Variants in DCC observed in about 807,000 individuals in gnomAD.
The protein encoded by DCC is DCC netrin 1 receptor, also known as netrin receptor DCC.
In DCC, 58 loss-of-function variants were observed where a neutral mutation model predicts 172.5. The observed-to-expected ratio is 0.34, with a 90% CI of 0.27 to 0.42. DCC has a LOEUF of 0.42. Among genes scored for constraint, DCC ranks in the 10% least tolerant of loss-of-function variants. The probability of loss-of-function intolerance (pLI) is 1.00; values close to 1 mark genes in which losing one functional copy is unlikely to be tolerated. For missense variants in DCC, 1,740 were observed against 1,791.0 expected, an observed-to-expected ratio of 0.97 and a Z score of 0.51; for synonymous variants, 709 against 644.5, an observed-to-expected ratio of 1.10 and a Z score of -1.52.
At chr18:52,723,902 T>C (rs1485835052) in intron 1 of DCC, among the ~76,000 whole-genome samples, 1 of 152,138 alleles carries the variant, frequency 6.6e-6, no homozygotes, top group Non-Finnish European at 1.5e-5. Flanking sequence ...ACATGATTCA[T>C]ACCTAACCCC....
chr18:52,448,108 G>A lies in DCC; in HGVS notation c.91+107230G>A, dbSNP rs1988182631. 2.0e-5 allele frequency among the ~76,000 whole-genome samples: 3 copies of A among 152,294 alleles called. No individual in the cohort carries two copies. The South Asian group carries it at 6.2e-4, about 32-fold the overall frequency. ...GCCGCACAGCAGGAGGGGAGTGGTA[G>A]GTGAGCATTTCTGCTTGAGCTCCAC... On this transcript the variant is annotated intron_variant, in intron 1 of 28. Transcript: ENST00000442544.
At chr18:52,794,229 T>C (rs2037828978) in intron 2 of DCC, among the ~76,000 whole-genome samples, 1 of 152,144 alleles carries the variant, frequency 6.6e-6, no homozygotes, top group African/African-American at 2.4e-5. Context: ...CTCTTGAATC[T>C]GTAGTACTAT....
At chr18:52,911,481 T>G (rs994855111) in intron 3 of DCC, among the ~76,000 whole-genome samples, 2 of 152,126 alleles carry the variant, frequency 1.3e-5, no homozygotes, top group Non-Finnish European at 2.9e-5. Context: ...AATTACCAGG[T>G]GGTGAAACCA....
chr18:53,267,119 C>CAT (rs1568401868), intron 12 of DCC, among the ~76,000 whole-genome samples: 1 of 148,924 alleles, frequency 6.7e-6, no homozygotes. Flanking sequence ...CTCACACACA[C>CAT]ACACACACAC....
chr18:53,265,947 T>G (rs1456960913), intron 12 of DCC, among the ~76,000 whole-genome samples: 2 of 152,180 alleles, frequency 1.3e-5, no homozygotes, highest in East Asian at 1.9e-4. Context: ...CCCCAGCTTT[T>G]CAATCCTTGT....
At chr18:52,730,510 A>G (rs1300722060) in intron 1 of DCC, among the ~76,000 whole-genome samples, 1 of 152,182 alleles carries the variant, frequency 6.6e-6, no homozygotes, top group Non-Finnish European at 1.5e-5. Context: ...AAACTCTTTC[A>G]AAGTATGTGA....
rs150912731 is a variant in DCC, at chr18:52,886,720, CT to C, written c.413-19321del. Among the ~76,000 whole-genome samples the C allele has an allele frequency of 2.2e-4, 33 of 152,242 alleles. No individual in the cohort carries two copies. In the East Asian group the frequency reaches 6.4e-3, roughly 29 times the overall value. ...CTATCTCCTACCCTCTTCAGAGTCT[CT>C]TTAGCGATATGAAGTTAAAACCATG... On this transcript the variant is annotated intron_variant, in intron 2 of 28. Transcript: ENST00000442544.
At chr18:53,307,586 A>G (rs1473635912) in intron 13 of DCC, among the ~76,000 whole-genome samples, 3 of 152,012 alleles carry the variant, frequency 2.0e-5, no homozygotes, top group Non-Finnish European at 4.4e-5. Context: ...TTGAGAATAT[A>G]AAATTAATTT....
chr18:53,293,553 A>C lies in DCC; in HGVS notation c.1912-12025A>C, dbSNP rs535412556. ...CTTGTGTCATAGGGGCTTGTTGTAC[A>C]GATTATTTTGTCACCCAGGTACTAA... On this transcript the variant is annotated intron_variant, in intron 12 of 28. Coordinates refer to ENST00000442544, the MANE Select transcript of DCC (RefSeq NM_005215.4). Among the ~76,000 whole-genome samples the C allele has an allele frequency of 1.5e-4, 23 of 152,262 alleles. No individual in the cohort carries two copies. The South Asian group carries it at 2.3e-3, about 15-fold the overall frequency.
At chr18:52,886,125 G>A (rs2039565979) in intron 2 of DCC, among the ~76,000 whole-genome samples, 1 of 151,932 alleles carries the variant, frequency 6.6e-6, no homozygotes, top group African/African-American at 2.4e-5. Context: ...GGGGTTGGGA[G>A]AAGAGGGCCG....
rs1014932502 is a variant in DCC, at chr18:52,818,987, T to C, written c.412+66613T>C. 6.6e-5 allele frequency among the ~76,000 whole-genome samples: 10 copies of C among 152,306 alleles called. 1 individual carries two copies. The South Asian group carries it at 1.9e-3, about 28-fold the overall frequency. On this transcript the variant is annotated intron_variant, in intron 2 of 28. Coordinates refer to ENST00000442544, the MANE Select transcript of DCC (RefSeq NM_005215.4). Reference sequence around the variant, plus strand: ...AGAGAATTAGCTTGTGACTTAACACTACGGAGTTAGGCAAATAAGCATTTA... The same window carrying C: ...AGAGAATTAGCTTGTGACTTAACACCACGGAGTTAGGCAAATAAGCATTTA...
chr18:52,972,502 C>T (rs1306635465), intron 5 of DCC, among the ~76,000 whole-genome samples: 4 of 143,256 alleles, frequency 2.8e-5, no homozygotes, highest in Non-Finnish European at 4.5e-5. Flanking sequence ...CGTAAGTGTA[C>T]ATGAAAATTT....
At chr18:52,447,265 A>C (rs1410423923) in intron 1 of DCC, among the ~76,000 whole-genome samples, 1 of 152,236 alleles carries the variant, frequency 6.6e-6, no homozygotes, top group Admixed American at 6.5e-5. Context: ...CAGTATCTTC[A>C]ACAAGTAGCC....
rs1468858923 is a variant in DCC, at chr18:52,936,453, T to C, written c.985+11083T>C. Among the ~76,000 whole-genome samples the C allele has an allele frequency of 1.6e-5, 2 of 121,680 alleles. 1 individual carries two copies. Among genetic ancestry groups the C allele is most frequent in the Admixed American group, 1.6e-4 (2 of 12,686 alleles). 79.8% of individuals were successfully genotyped at this position (121,680 alleles called of 152,430 possible). On this transcript the variant is annotated intron_variant, in intron 5 of 28. Coordinates refer to ENST00000442544, the MANE Select transcript of DCC (RefSeq NM_005215.4). ...AGTCTACTGTGTGCTGGGCCCTCCC[T>C]TTCCTTTCTCCCTTCCACTGGAGAA... is the stretch of plus-strand genomic sequence containing the variant.
At chr18:52,802,030 CT>C (rs138320345) in intron 2 of DCC, among the ~76,000 whole-genome samples, 1 of 149,500 alleles carries the variant, frequency 6.7e-6, no homozygotes, top group Non-Finnish European at 1.5e-5. Flanking sequence ...CCATTCCCTT[CT>C]TTTTTTTATC....
At chr18:52,931,584 T>C (rs1472382800) in intron 5 of DCC, among the ~76,000 whole-genome samples, 1 of 152,132 alleles carries the variant, frequency 6.6e-6, no homozygotes, top group African/African-American at 2.4e-5. Flanking sequence ...ACAGAGTGAA[T>C]ATACATTAAA....
intron 12 of DCC, among the ~76,000 whole-genome samples, 185 bp from the exon 13 acceptor site, chr18:53,305,393 G>A (rs1015352759): frequency 2.0e-5 from 3 of 152,168 alleles, no homozygotes; most frequent in African/African-American, 7.2e-5. Flanking sequence ...GTGTATTTTT[G>A]TTAAAACCAG....
intron 1 of DCC, among the ~76,000 whole-genome samples, chr18:52,353,839 G>A (rs1984240372): frequency 6.6e-6 from 1 of 152,176 alleles, no homozygotes; most frequent in Non-Finnish European, 1.5e-5. Context: ...ATGAACTGTA[G>A]GCCCTTCTCT....
chr18:53,479,141 A>G (rs1157015103), intron 25 of DCC, among the ~76,000 whole-genome samples: 1 of 152,214 alleles, frequency 6.6e-6, no homozygotes, highest in Admixed American at 6.5e-5. Context: ...TCAGAACTGT[A>G]GGAACGGTGG....
Sources: allele counts gnomAD v4.1 joint callset (sites outside exome capture counted in the v4.1 genomes callset), GRCh38; gene constraint gnomAD v4.1.1; transcripts MANE v1.5; gene names NCBI Gene and HGNC (gene_info 2026-07-23, HGNC 2026-07-21).